Variants in STK32A observed in about 807,000 individuals in gnomAD.
STK32A encodes serine/threonine-protein kinase 32A.
STK32A carries 41 observed loss-of-function variants against 53.2 expected under a neutral mutation model. The ratio of observed to expected loss-of-function variants is 0.77; its 90% CI spans 0.60 to 1.00. The LOEUF (loss-of-function observed/expected upper bound fraction) is 1.00. Ranked by LOEUF, STK32A falls within the 50% of genes least tolerant of loss-of-function variation. STK32A has a pLI of 0.00. For synonymous variants in STK32A, 166 were observed against 162.8 expected (o/e 1.02, Z -0.15); for missense variants, 458 against 485.8 (o/e 0.94, Z 0.54).
At chr5:147,314,840 G>A (rs1004394883) in intron 4 of STK32A, among the ~76,000 whole-genome samples, 6 of 151,294 alleles carry the variant, frequency 4.0e-5, no homozygotes, top group South Asian at 2.1e-4. Context: ...AACATCCTGG[G>A]CTCAAGTCAT....
At chr5:147,391,126 A>C (rs1333718260), downstream of STK32A, 1 of 152,576 alleles carries the variant, frequency 6.6e-6, no homozygotes, top group African/African-American at 2.4e-5. Flanking sequence ...AAGCCTGGGA[A>C]GCTTGTGGCA....
chr5:147,304,169 C>G (rs1289481423), intron 4 of STK32A, among the ~76,000 whole-genome samples: 1 of 152,128 alleles, frequency 6.6e-6, no homozygotes, highest in Non-Finnish European at 1.5e-5. Flanking sequence ...TGAGTCAGCT[C>G]CAACCAATTT....
intron 7 of STK32A, among the ~76,000 whole-genome samples, chr5:147,356,865 C>T (rs1256584414): frequency 6.6e-6 from 1 of 152,096 alleles, no homozygotes; most frequent in Non-Finnish European, 1.5e-5. Flanking sequence ...AGGGGATACT[C>T]AACCTGTACA....
chr5:147,275,355 T>C (rs898452213), intron 2 of STK32A, among the ~76,000 whole-genome samples: 1 of 96,002 alleles, frequency 1.0e-5, no homozygotes, highest in African/African-American at 4.5e-5. Context: ...TGAGAAAGGA[T>C]CTCACCCTGT....
At chr5:147,253,409 G>C (rs773549420) in intron 2 of STK32A, among the ~76,000 whole-genome samples, 1 of 152,186 alleles carries the variant, frequency 6.6e-6, no homozygotes, top group African/African-American at 2.4e-5. Context: ...TTAATTTTCA[G>C]TATGAATATT....
chr5:147,324,165 T>A, intron 5 of STK32A, 94 bp downstream of exon 5: 1 of 1,245,784 alleles, frequency 8.0e-7, no homozygotes, highest in Non-Finnish European at 1.1e-6. Flanking sequence ...ACATGACATT[T>A]AATCCCCGTT....
chr5:147,355,169 C>T (rs1756159388), intron 7 of STK32A, among the ~76,000 whole-genome samples: 2 of 152,150 alleles, frequency 1.3e-5, no homozygotes, highest in Admixed American at 1.3e-4. Flanking sequence ...TCTACTAATA[C>T]AAGATGCTGA....
intron 2 of STK32A, among the ~76,000 whole-genome samples, chr5:147,260,456 C>T (rs1209522095): frequency 6.6e-6 from 1 of 151,918 alleles, no homozygotes; most frequent in Non-Finnish European, 1.5e-5. Context: ...CTCTTTCTTC[C>T]CCCAAGAAGA....
chr5:147,351,425 A>C (rs907472283), intron 7 of STK32A, among the ~76,000 whole-genome samples: 1 of 152,196 alleles, frequency 6.6e-6, no homozygotes, highest in African/African-American at 2.4e-5. Flanking sequence ...CTAATTCAAT[A>C]AATACCTACT....
chr5:147,276,962 G>A (rs2151953797), intron 2 of STK32A, among the ~76,000 whole-genome samples: 1 of 152,252 alleles, frequency 6.6e-6, no homozygotes, highest in African/African-American at 2.4e-5. Context: ...ACATGACTAA[G>A]TGGGTTTTGT....
At chr5:147,273,014 C>G (rs1483361877) in intron 2 of STK32A, among the ~76,000 whole-genome samples, 2 of 152,122 alleles carry the variant, frequency 1.3e-5, no homozygotes, top group African/African-American at 2.4e-5. Flanking sequence ...AAATCTTTTG[C>G]AAAGATTTTT....
At chr5:147,308,015 A>G (rs1554103696) in intron 4 of STK32A, among the ~76,000 whole-genome samples, 1 of 152,140 alleles carries the variant, frequency 6.6e-6, no homozygotes, top group African/African-American at 2.4e-5. Context: ...TATAAATTTC[A>G]TAAGTAGCTT....
intron 5 of STK32A, among the ~76,000 whole-genome samples, chr5:147,329,303 G>GAGCAAGCTGCTCAGCT (rs1311083754): frequency 6.6e-5 from 10 of 152,112 alleles, no homozygotes; most frequent in Non-Finnish European, 1.5e-4. Flanking sequence ...CTCTTGGGCT[G>GAGCAAGCTGCTCAGCT]GAGTAGCTGC....
At chr5:147,274,132 G>A (rs542579801) in intron 2 of STK32A, among the ~76,000 whole-genome samples, 4 of 152,278 alleles carry the variant, frequency 2.6e-5, no homozygotes, top group South Asian at 2.1e-4. Flanking sequence ...GTGTGTTAAC[G>A]TGGTATACCT....
chr5:147,364,281 A>G (rs1230112045), intron 8 of STK32A, among the ~76,000 whole-genome samples: 1 of 151,770 alleles, frequency 6.6e-6, no homozygotes, highest in Non-Finnish European at 1.5e-5. Flanking sequence ...CACAATTTCT[A>G]CCTTCTGCAA....
the STK32A span, among the ~76,000 whole-genome samples, chr5:147,395,383 C>G: frequency 3.3e-5 from 5 of 152,302 alleles, no homozygotes; most frequent in African/African-American, 1.2e-4. Context: ...TACCAGGACC[C>G]CTTGTCAATT....
intron 4 of STK32A, among the ~76,000 whole-genome samples, chr5:147,280,088 G>A (rs1581032782): frequency 6.6e-6 from 1 of 152,302 alleles, no homozygotes; most frequent in Middle Eastern, 3.4e-3. Flanking sequence ...ACGGGGAGAA[G>A]AAGCAGCAGA....
intron 11 of STK32A, among the ~76,000 whole-genome samples, chr5:147,379,601 T>G (rs1757374866): frequency 6.6e-6 from 1 of 152,108 alleles, no homozygotes; most frequent in Non-Finnish European, 1.5e-5. Flanking sequence ...GCCTCTATTG[T>G]TTCTTTCCCC....
chr5:147,253,492 T>A (rs1754090081), intron 2 of STK32A, among the ~76,000 whole-genome samples: 2 of 152,176 alleles, frequency 1.3e-5, no homozygotes, highest in South Asian at 4.1e-4. Flanking sequence ...CTGGCTCTTT[T>A]TCTGTACGCA....
Sources: gnomAD v4.1 joint callset for allele counts (sites outside exome capture counted in the v4.1 genomes callset) on GRCh38, gnomAD v4.1.1 for gene constraint, MANE v1.5 for transcripts, NCBI Gene and HGNC (gene_info 2026-07-23, HGNC 2026-07-21) for gene names.